HPRT1: variants seen among roughly 807,000 people sequenced by gnomAD.
HPRT1 encodes the protein hypoxanthine phosphoribosyltransferase 1, also known as hypoxanthine-guanine phosphoribosyltransferase.
In HPRT1, 4 loss-of-function variants were observed where a neutral mutation model predicts 19.0. The ratio of observed to expected loss-of-function variants is 0.21; its 90% confidence interval spans 0.10 to 0.48. The LOEUF is 0.48. Among genes scored for constraint, HPRT1 ranks in the 20% least tolerant of loss-of-function variants. The pLI is 0.98. For missense variants in HPRT1, 65 were observed against 164.0 expected (o/e 0.40, Z 3.30); for synonymous variants, 53 against 54.9 (o/e 0.97, Z 0.15).
intron 6 of HPRT1, 51 bp downstream of exon 6, chrX:134,493,641 A>C (rs746947793): frequency 5.2e-6 from 4 of 773,275 alleles, no homozygotes; most frequent in Admixed American, 2.2e-5. Flanking sequence ...AAGGGGGATT[A>C]AGTGATTGCT....
At chrX:134,477,015 G>GTTTAT (rs200027842) in intron 3 of HPRT1, among the ~76,000 whole-genome samples, 2,362 of 97,666 alleles carry the variant, frequency 0.024, 29 homozygotes, top group African/African-American at 0.051. Context: ...TTATTGATAT[G>GTTTAT]TTTATTTTAT....
chrX:134,496,725 T>C (rs1258387862), intron 6 of HPRT1, among the ~76,000 whole-genome samples: 3 of 111,757 alleles, frequency 2.7e-5, no homozygotes, highest in African/African-American at 9.8e-5. Flanking sequence ...AGGCTGCACA[T>C]TGGAATCACC....
At chrX:134,467,252 T>C (rs2077599443) in intron 1 of HPRT1, among the ~76,000 whole-genome samples, 1 of 111,342 alleles carries the variant, frequency 9.0e-6, no homozygotes, top group Non-Finnish European at 1.9e-5. Flanking sequence ...GGTTTCGCCA[T>C]GTTGGCTAGG....
chrX:134,478,271 AT>A (rs1009418556), intron 3 of HPRT1, among the ~76,000 whole-genome samples: 15 of 110,051 alleles, frequency 1.4e-4, no homozygotes, highest in African/African-American at 3.3e-4. Context: ...ACACCCATCT[AT>A]TTTTTTTTGG....
At chrX:134,479,161 A>G (rs1031753890) in intron 3 of HPRT1, among the ~76,000 whole-genome samples, 4 of 112,383 alleles carry the variant, frequency 3.6e-5, no homozygotes, top group African/African-American at 6.5e-5. Context: ...AGCCTAGGCA[A>G]TGTAGCGAGA....
intron 5 of HPRT1, among the ~76,000 whole-genome samples, chrX:134,491,899 TTG>T (rs752346123): frequency 1.5e-4 from 15 of 100,765 alleles, no homozygotes; most frequent in Non-Finnish European, 1.4e-4. Flanking sequence ...GCCTGGCTAA[TTG>T]TGTGTGTGTG....
chrX:134,473,261 T>G lies in HPRT1; in HGVS notation c.28-98T>G, dbSNP rs1425359464. 3 of 567,313 alleles carry G rather than the reference T, an allele frequency of 5.3e-6. No individual in the cohort carries two copies. The African/African-American group carries it at 6.7e-5, about 13-fold the overall frequency. The allele number at this position is 567,313 out of a possible 1,213,427, so 46.8% of individuals were successfully genotyped here. ...TTACTAATATCATCTTACACCTAAA[T>G]TTCTCTGATAGACTAAGGTTATTTT... On this transcript the variant is annotated intron_variant, in intron 1 of 8. Coordinates refer to ENST00000298556, the MANE Select transcript of HPRT1 (RefSeq NM_000194.3).
At chrX:134,499,188 A>G (rs2077688696) in intron 8 of HPRT1, among the ~76,000 whole-genome samples, 1 of 112,140 alleles carries the variant, frequency 8.9e-6, no homozygotes, top group Non-Finnish European at 1.9e-5. Flanking sequence ...TTTCAAAACT[A>G]CATATTGAGG....
At chrX:134,498,245 CAT>C in intron 6 of HPRT1, 143 bp from the exon 7 acceptor site, 1 of 546,283 alleles carries the variant, frequency 1.8e-6, no homozygotes, top group Non-Finnish European at 3.2e-6. Context: ...CTCTCCATTT[CAT>C]AGTCTTTCCT....
At position 134,493,607 on chromosome X, in the gene HPRT1, GAC is replaced by G. The variant is rs750725490; in HGVS notation, c.485+21_485+22del. ...GGTCGCAAGGTATGTATGACATTTTGACACAGAATATTTTCCTCATTTGAAGG... is the reference window on the plus strand; with the variant it reads ...GGTCGCAAGGTATGTATGACATTTTGACAGAATATTTTCCTCATTTGAAGG... On this transcript the variant is annotated intron_variant, in intron 6 of 8. Transcript: ENST00000298556. The G allele has an allele frequency of 1.4e-5, 15 of 1,079,773 alleles. 1 individual carries two copies. The highest frequency in any genetic ancestry group is 1.9e-5 in the Non-Finnish European group (15 of 774,998). The allele number at this position is 1,079,773 out of a possible 1,213,427, so 89.0% of individuals were successfully genotyped here. A position where few individuals can be genotyped will look rare whatever the true frequency, so the allele number is the denominator to read the frequency against.
At chrX:134,499,053 G>C (rs898261513) in intron 8 of HPRT1, among the ~76,000 whole-genome samples, 1 of 112,121 alleles carries the variant, frequency 8.9e-6, no homozygotes, top group Non-Finnish European at 1.9e-5. Context: ...TATGAACATG[G>C]TTGAGGAAGA....
At chrX:134,469,363 A>G (rs1471894959) in intron 1 of HPRT1, among the ~76,000 whole-genome samples, 1 of 111,539 alleles carries the variant, frequency 9.0e-6, no homozygotes, top group African/African-American at 3.3e-5. Flanking sequence ...TCAAAAAAAT[A>G]AAATCTAGGA....
chrX:134,467,803 C>CTTTTTTTTTT (rs765621209), intron 1 of HPRT1, among the ~76,000 whole-genome samples: 2 of 89,485 alleles, frequency 2.2e-5, no homozygotes, highest in Non-Finnish European at 4.5e-5. Context: ...TAACCTGTAT[C>CTTTTTTTTTT]TTTTTTTTTT....
intron 3 of HPRT1, among the ~76,000 whole-genome samples, chrX:134,482,756 G>A (rs187399803): frequency 6.0e-4 from 67 of 111,004 alleles, no homozygotes; most frequent in African/African-American, 2.0e-3. Context: ...CTTGTTACCT[G>A]AGCATATGTC....
chrX:134,486,352 C>T (rs866444649), intron 3 of HPRT1, 113 bp from the exon 4 acceptor site: 17 of 341,990 alleles, frequency 5.0e-5, no homozygotes, highest in Middle Eastern at 9.1e-4. Context: ...TAGCTAACTT[C>T]TCAAATCTTC....
chrX:134,492,021 AC>A (rs2077668305), intron 5 of HPRT1, among the ~76,000 whole-genome samples: 2 of 99,996 alleles, frequency 2.0e-5, no homozygotes, highest in Admixed American at 2.3e-4. Context: ...AAATATATAT[AC>A]ATATATATAT....
intron 3 of HPRT1, among the ~76,000 whole-genome samples, chrX:134,475,752 A>T (rs73557316): frequency 0.015 from 1,725 of 111,383 alleles, 35 homozygotes; most frequent in African/African-American, 0.053. Context: ...TAGAAAGCAC[A>T]TGGAGAGCTA....
chrX:134,490,751 C>T (rs2077664308), intron 5 of HPRT1, among the ~76,000 whole-genome samples: 1 of 108,132 alleles, frequency 9.2e-6, no homozygotes, highest in African/African-American at 3.4e-5. Flanking sequence ...CAGACAAGAA[C>T]CTACCGAATC....
intron 2 of HPRT1, 150 bp from the exon 3 acceptor site, chrX:134,475,031 C>A: frequency 2.2e-6 from 1 of 456,892 alleles, no homozygotes; most frequent in South Asian, 3.3e-5. Flanking sequence ...CAGGTACATG[C>A]TACCATGCCT....
Sources: allele counts gnomAD v4.1 joint callset (sites outside exome capture counted in the v4.1 genomes callset), GRCh38; gene constraint gnomAD v4.1.1; transcripts MANE v1.5; gene names NCBI Gene and HGNC (gene_info 2026-07-23, HGNC 2026-07-21).